The following RORA variants were observed in gnomAD, a reference collection of about 807,000 sequenced individuals.
The protein encoded by RORA is nuclear receptor ROR-alpha.
In RORA, 7 loss-of-function variants were observed where a neutral mutation model predicts 69.5. That is an observed-to-expected ratio of 0.10 (90% confidence interval 0.06 to 0.19). The LOEUF is 0.19. Ranked by LOEUF, RORA falls within the 10% of genes least tolerant of loss-of-function variation. The pLI is 1.00. For synonymous variants in RORA, 261 were observed against 240.8 expected (o/e 1.08, Z -0.78); for missense variants, 457 against 663.0 (o/e 0.69, Z 3.41).
chr15:61,119,084 G>A (rs1055261646), intron 1 of RORA, among the ~76,000 whole-genome samples: 37 of 147,630 alleles, frequency 2.5e-4, no homozygotes, highest in African/African-American at 8.2e-4. Flanking sequence ...TAACAGAAGG[G>A]GGGGGGGGGC....
At chr15:60,988,867 T>C (rs757601029) in intron 1 of RORA, among the ~76,000 whole-genome samples, 6 of 151,856 alleles carry the variant, frequency 4.0e-5, no homozygotes, top group Non-Finnish European at 7.4e-5. Flanking sequence ...GAAACTACTA[T>C]GATCTCACTG....
intron 1 of RORA, among the ~76,000 whole-genome samples, chr15:61,112,849 G>C (rs967706869): frequency 3.9e-5 from 6 of 152,226 alleles, no homozygotes; most frequent in Admixed American, 1.3e-4. Flanking sequence ...TTCAGGGACA[G>C]CTGGGCACCA....
In RORA at chr15:61,024,941, T is replaced by C. The variant is rs747806800; in HGVS notation, c.166+204112A>G. ...CACTTGATGTTAGACAACAGACCTA[T>C]AAGCAATTTTATATCTTCTGGCTTA... On this transcript the variant is annotated intron_variant, in intron 1 of 10. Coordinates refer to ENST00000335670, the MANE Select transcript of RORA (RefSeq NM_134261.3). Among the ~76,000 whole-genome samples the C allele has an allele frequency of 1.3e-4, 20 of 152,316 alleles. 1 individual carries two copies. In the South Asian group the frequency reaches 2.5e-3, roughly 19 times the overall value.
intron 1 of RORA, among the ~76,000 whole-genome samples, chr15:60,995,097 G>A (rs2140373544): frequency 6.6e-6 from 1 of 152,268 alleles, no homozygotes; most frequent in South Asian, 2.1e-4. Context: ...AGAAGAAGAA[G>A]AAAGAGGCAT....
intron 1 of RORA, among the ~76,000 whole-genome samples, chr15:60,957,414 G>GCTAT (rs910793351): frequency 2.6e-4 from 40 of 152,216 alleles, no homozygotes; most frequent in Admixed American, 1.3e-4. Context: ...AACTGCAAGG[G>GCTAT]CTATGATTGT....
intron 1 of RORA, among the ~76,000 whole-genome samples, chr15:60,881,597 T>C (rs1272638636): frequency 6.6e-6 from 1 of 151,252 alleles, no homozygotes; most frequent in Non-Finnish European, 1.5e-5. Flanking sequence ...GCCTTTCTTT[T>C]ACCACCAAAA....
chr15:60,900,094 C>T (rs1031575750), intron 1 of RORA, among the ~76,000 whole-genome samples: 1 of 152,238 alleles, frequency 6.6e-6, no homozygotes, highest in East Asian at 1.9e-4. Flanking sequence ...TTCACTATCA[C>T]ACATCCTCAC....
intron 2 of RORA, among the ~76,000 whole-genome samples, chr15:60,590,066 A>G (rs557292718): frequency 6.6e-6 from 1 of 152,310 alleles, no homozygotes; most frequent in South Asian, 2.1e-4. Flanking sequence ...TTTCTCTTTC[A>G]GCTTAAGTTT....
chr15:60,787,815 C>A (rs2072359162), intron 1 of RORA, among the ~76,000 whole-genome samples: 1 of 152,234 alleles, frequency 6.6e-6, no homozygotes, highest in South Asian at 2.1e-4. Flanking sequence ...CTTCCCCAAA[C>A]AAGGCATTGA....
intron 1 of RORA, among the ~76,000 whole-genome samples, chr15:60,845,000 G>A (rs1245364463): frequency 2.6e-5 from 4 of 151,662 alleles, no homozygotes; most frequent in African/African-American, 9.7e-5. Context: ...ACCCACCCTT[G>A]TTTCAAAGTG....
intron 1 of RORA, among the ~76,000 whole-genome samples, chr15:61,122,238 C>G (rs2079110641): frequency 6.6e-6 from 1 of 152,134 alleles, no homozygotes; most frequent in Non-Finnish European, 1.5e-5. Context: ...CTTCACTCCC[C>G]GTTCTATTTC....
chr15:60,652,489 G>A (rs777154654), intron 2 of RORA, among the ~76,000 whole-genome samples: 1 of 152,164 alleles, frequency 6.6e-6, no homozygotes. Context: ...GGTAGATCCC[G>A]AGAATAGACA....
chr15:60,847,729 G>T (rs563586661), intron 1 of RORA: 2 of 152,078 alleles, frequency 1.3e-5, no homozygotes, highest in Non-Finnish European at 2.9e-5. Flanking sequence ...TTGATACCAC[G>T]TTGAAATGAT....
At chr15:60,974,546 C>T (rs989974120) in intron 1 of RORA, among the ~76,000 whole-genome samples, 1 of 152,130 alleles carries the variant, frequency 6.6e-6, no homozygotes, top group Non-Finnish European at 1.5e-5. Context: ...CTTTGTGGCT[C>T]CTAAGTTATC....
rs1014020398 is a variant in RORA, at chr15:61,103,231, G to C, written c.166+125822C>G. On this transcript the variant is annotated intron_variant, in intron 1 of 10. Transcript: ENST00000335670. ...CTGGGCGGGGCTGAGGAACTTGGCA[G>C]TGGAGGATGGGCTGTGAGCATCAGC... Among the ~76,000 whole-genome samples the C allele has an allele frequency of 2.0e-5, 3 of 152,194 alleles. No homozygotes were observed. The East Asian group carries it at 5.8e-4, about 29-fold the overall frequency.
intron 1 of RORA, among the ~76,000 whole-genome samples, chr15:60,924,126 A>ATGGG (rs1892135948): frequency 6.6e-6 from 1 of 152,158 alleles, no homozygotes. Context: ...CCCCATGTGT[A>ATGGG]GCATTCCATT....
At chr15:61,013,006 T>G (rs1039907130) in intron 1 of RORA, among the ~76,000 whole-genome samples, 2 of 152,220 alleles carry the variant, frequency 1.3e-5, no homozygotes, top group Admixed American at 1.3e-4. Context: ...CACAGGCAAA[T>G]GGTATCTTGG....
chr15:60,543,129 C>T (rs960440395), intron 2 of RORA, among the ~76,000 whole-genome samples: 18 of 148,264 alleles, frequency 1.2e-4, no homozygotes, highest in Non-Finnish European at 2.7e-4. Context: ...CGTCTTGTTA[C>T]GTTAGCTTCA....
intron 1 of RORA, among the ~76,000 whole-genome samples, chr15:61,049,311 C>G (rs1897189564): frequency 6.6e-6 from 1 of 152,154 alleles, no homozygotes; most frequent in Admixed American, 6.5e-5. Context: ...GGTGATATCC[C>G]CCCGTCTAAC....
Sources: allele counts gnomAD v4.1 joint callset (sites outside exome capture counted in the v4.1 genomes callset), GRCh38; gene constraint gnomAD v4.1.1; transcripts MANE v1.5; gene names NCBI Gene and HGNC (gene_info 2026-07-23, HGNC 2026-07-21).